Variants in KAT6A observed in about 807,000 individuals in gnomAD.
KAT6A encodes histone acetyltransferase KAT6A.
KAT6A carries 9 observed loss-of-function variants against 198.4 expected under a neutral mutation model. The ratio of observed to expected loss-of-function variants is 0.05; its 90% CI spans 0.03 to 0.08. KAT6A has a LOEUF of 0.08. Among genes scored for constraint, KAT6A ranks in the 10% least tolerant of loss-of-function variants. The probability of loss-of-function intolerance (pLI) is 1.00; values close to 1 mark genes in which losing one functional copy is unlikely to be tolerated. For synonymous variants in KAT6A, 890 were observed against 883.0 expected, an observed-to-expected ratio of 1.01 and a Z score of -0.14; for missense variants, 2,077 against 2,509.9, an observed-to-expected ratio of 0.83 and a Z score of 3.69.
chr8:41,949,490 C>T (rs1013938847), intron 9 of KAT6A, 127 bp from the exon 10 acceptor site: 1 of 517,880 alleles, frequency 1.9e-6, no homozygotes. Flanking sequence ...ACTGCATATG[C>T]AAAAATACTG....
At chr8:41,965,799 G>A (rs965009699) in intron 8 of KAT6A, among the ~76,000 whole-genome samples, 2 of 152,244 alleles carry the variant, frequency 1.3e-5, no homozygotes, top group Admixed American at 6.5e-5. Context: ...GTCAGTTTCG[G>A]CATGACGGGA....
At chr8:42,019,611 A>G (rs189341695) in intron 2 of KAT6A, among the ~76,000 whole-genome samples, 1 of 152,342 alleles carries the variant, frequency 6.6e-6, no homozygotes, top group East Asian at 1.9e-4. Context: ...GAGTTAAGTG[A>G]TGAAACCAAA....
chr8:42,000,412 G>A (rs1179982895), intron 2 of KAT6A, among the ~76,000 whole-genome samples: 1 of 151,958 alleles, frequency 6.6e-6, no homozygotes, highest in Non-Finnish European at 1.5e-5. Context: ...TTAGCGGGGT[G>A]TGGTGGCAAG....
intron 14 of KAT6A, chr8:41,942,103 T>G: frequency 5.1e-6 from 1 of 197,384 alleles, no homozygotes; most frequent in Middle Eastern, 1.7e-3. Context: ...GATGAAGCAC[T>G]GCTTAAAAAA....
At chr8:41,973,080 T>A (rs2150883769) in intron 8 of KAT6A, among the ~76,000 whole-genome samples, 1 of 152,364 alleles carries the variant, frequency 6.6e-6, no homozygotes, top group South Asian at 2.1e-4. Flanking sequence ...TACAGCAGAA[T>A]GCTGAGTAAA....
intron 2 of KAT6A, among the ~76,000 whole-genome samples, chr8:42,022,677 G>A (rs1013471352): frequency 1.3e-5 from 2 of 152,024 alleles, no homozygotes; most frequent in Admixed American, 6.6e-5. Context: ...AAATTATAAC[G>A]CCATAACACT....
At chr8:42,013,737 C>T (rs530943493) in intron 2 of KAT6A, among the ~76,000 whole-genome samples, 1 of 152,280 alleles carries the variant, frequency 6.6e-6, no homozygotes. Context: ...GGGTGGTTTA[C>T]TTTCTAAAAA....
At chr8:41,968,730 G>A (rs530338312) in intron 8 of KAT6A, among the ~76,000 whole-genome samples, 22 of 152,220 alleles carry the variant, frequency 1.4e-4, no homozygotes, top group African/African-American at 4.6e-4. Context: ...CTCCAAGCTC[G>A]TAAGATCATA....
chr8:42,011,057 C>T (rs966784916), intron 2 of KAT6A, among the ~76,000 whole-genome samples: 3 of 152,160 alleles, frequency 2.0e-5, no homozygotes, highest in African/African-American at 7.2e-5. Flanking sequence ...AAAACCAATT[C>T]CATCCCTATC....
chr8:42,048,774 G>C lies in KAT6A; in HGVS notation c.204C>G (p.Leu68=), dbSNP rs1486147806. The stretch of plus-strand genomic sequence containing the variant: ...GATTATCAGGATCTTTATAGGAATT[G>C]AGTCCTTTATTTGAGACTTTTAAAA... The part of the protein sequence containing the change: ...GTILKVSNKG[L]NSYKDPDNPG... The change falls in exon 2 of 17, where the codon CTC becomes CTG. Residue 68 remains leucine (L), a synonymous_variant. Coordinates refer to ENST00000265713, the MANE Select transcript of KAT6A (RefSeq NM_006766.5). 1 of 1,614,154 alleles carries C rather than the reference G, an allele frequency of 6.2e-7. No homozygotes were observed. The highest frequency in any genetic ancestry group is 1.1e-5 in the South Asian group (1 of 91,076).
intron 2 of KAT6A, among the ~76,000 whole-genome samples, chr8:42,023,827 CA>C (rs200728544): frequency 0.15 from 18,534 of 122,892 alleles, 1,341 homozygotes; most frequent in East Asian, 0.27. Flanking sequence ...TTTCTCTATC[CA>C]AAAAAAAAAA....
At position 41,933,704 on chromosome 8, in the gene KAT6A, C is replaced by G; in HGVS notation, c.4516G>C (p.Glu1506Gln). 6.2e-7 allele frequency: 1 copy of G among 1,614,092 alleles called. No homozygotes were observed. The highest frequency in any genetic ancestry group is 8.5e-7 in the Non-Finnish European group (1 of 1,180,026). ...GGGCTGATCTGGGTGTAGCCACTCT[C>G]AAGGGCAGGCACGTTGGGACTGCTG... ...SVSSPNVPALESGYTQISPEQ... is the reference protein window; with the variant it reads ...SVSSPNVPALQSGYTQISPEQ... Residue 1506 changes from glutamate to glutamine, a missense_variant, in exon 17 of 17, where the codon GAG becomes CAG. Transcript: ENST00000265713. The surrounding 1 kb of genome is among the most constrained non-coding windows in gnomAD (Gnocchi z 6.2).
rs758345304 is a variant in KAT6A, at chr8:41,933,225, T to C, written c.4995A>G (p.Gln1665=). 4.5e-6 allele frequency: 7 copies of C among 1,563,344 alleles called. No homozygotes were observed. In the Admixed American group the frequency reaches 1.1e-4, roughly 25 times the overall value. The change falls in exon 17 of 17, where the codon CAA becomes CAG. Residue 1665 remains glutamine (Q), a synonymous_variant. Coordinates refer to ENST00000265713, the MANE Select transcript of KAT6A (RefSeq NM_006766.5). This position sits in a 1 kb window ranked among gnomAD's most constrained non-coding sequence, Gnocchi z 6.2. ...GTGGAGGCTGTGGTGCTGGTTGTGG[T>C]TGTGGCGGCGGCGGCTGTGGCTGCT... is the stretch of plus-strand genomic sequence containing the variant. ...PPQQPQPPPP[Q]PQPAPQPPPP... is the part of the protein sequence containing the mutation.
chr8:41,976,483 G>A (rs1427530868), intron 7 of KAT6A, among the ~76,000 whole-genome samples: 1 of 152,146 alleles, frequency 6.6e-6, no homozygotes, highest in Admixed American at 6.6e-5. Context: ...TGGAGCTGTG[G>A]TTCTGTCTCT....
intron 2 of KAT6A, among the ~76,000 whole-genome samples, chr8:42,033,430 G>A (rs190975590): frequency 5.2e-4 from 79 of 152,272 alleles, no homozygotes; most frequent in Non-Finnish European, 1.5e-4. Context: ...GCTGGGAAGG[G>A]TGATGTCTTC....
At chr8:41,936,131 G>A (rs762993529) in intron 16 of KAT6A, among the ~76,000 whole-genome samples, 8 of 152,098 alleles carry the variant, frequency 5.3e-5, no homozygotes, top group Admixed American at 2.6e-4. Flanking sequence ...GCATGGTGGC[G>A]TGCACCTATA....
At chr8:41,967,567 A>G (rs1823572864) in intron 8 of KAT6A, among the ~76,000 whole-genome samples, 1 of 151,088 alleles carries the variant, frequency 6.6e-6, no homozygotes, top group Admixed American at 6.6e-5. Context: ...TGTTCTTGCG[A>G]TAGTTTACTG....
chr8:42,011,308 C>T (rs1214761862), intron 2 of KAT6A, among the ~76,000 whole-genome samples: 4 of 152,186 alleles, frequency 2.6e-5, no homozygotes, highest in African/African-American at 9.7e-5. Flanking sequence ...AGTCTAGATA[C>T]TCAACTTTAT....
chr8:41,960,982 T>C (rs1664656283), intron 8 of KAT6A, among the ~76,000 whole-genome samples: 1 of 152,180 alleles, frequency 6.6e-6, no homozygotes. Flanking sequence ...TGAATATGGG[T>C]GGAGAAAAAC....
Sources: gnomAD v4.1 joint callset for allele counts (sites outside exome capture counted in the v4.1 genomes callset) on GRCh38, gnomAD v4.1.1 for gene constraint, Gnocchi (gnomAD v3.1) non-coding constraint, MANE v1.5 for transcripts, NCBI Gene and HGNC (gene_info 2026-07-23, HGNC 2026-07-21) for gene names.